Variants in GLMN observed in about 807,000 individuals in gnomAD.
GLMN encodes the protein glomulin.
GLMN carries 75 observed loss-of-function variants against 87.8 expected under a neutral mutation model. The observed-to-expected ratio is 0.85, with a 90% CI of 0.71 to 1.04. GLMN has a LOEUF of 1.04. Among genes scored for constraint, GLMN ranks in the 50% least tolerant of loss-of-function variants. The pLI, the probability that GLMN is intolerant of heterozygous loss-of-function variation, is 0.00. For missense variants in GLMN, 588 were observed against 658.8 expected (o/e 0.89, Z 1.18); for synonymous variants, 206 against 221.6 (o/e 0.93, Z 0.63).
the GLMN span, among the ~76,000 whole-genome samples, chr1:92,357,184 A>T: frequency 3.3e-5 from 5 of 152,306 alleles, no homozygotes; most frequent in Admixed American, 3.3e-4. Flanking sequence ...AGGGAATACA[A>T]AGATTAAACA....
chr1:92,282,166 T>C (rs1648138884), intron 7 of GLMN, among the ~76,000 whole-genome samples: 2 of 152,204 alleles, frequency 1.3e-5, no homozygotes, highest in Admixed American at 6.5e-5. Flanking sequence ...ATCAACAGAA[T>C]ATACATTCTT....
At chr1:92,334,416 ATTG>A in the GLMN span, among the ~76,000 whole-genome samples, 1 of 152,166 alleles carries the variant, frequency 6.6e-6, no homozygotes, top group African/African-American at 2.4e-5. Context: ...ACACTAAGGA[ATTG>A]TTAATTTGGA....
At chr1:92,247,837 C>T (rs1357118376) in intron 17 of GLMN, 41 bp downstream of exon 17, 3 of 806,556 alleles carry the variant, frequency 3.7e-6, no homozygotes, top group Non-Finnish European at 6.7e-6. Context: ...AATTAGACTA[C>T]TTTTTAGACC....
intron 16 of GLMN, among the ~76,000 whole-genome samples, chr1:92,259,957 G>C (rs184765960): frequency 4.2e-4 from 64 of 151,988 alleles, no homozygotes; most frequent in Non-Finnish European, 6.6e-4. Flanking sequence ...GGATGGTCTT[G>C]ATCTCCTGAC....
chr1:92,344,749 G>C, the GLMN span, among the ~76,000 whole-genome samples: 1 of 151,990 alleles, frequency 6.6e-6, no homozygotes, highest in South Asian at 2.1e-4. Context: ...ACCAACCCTT[G>C]GTATTGTCAG....
At chr1:92,323,441 A>G in the GLMN span, 159 of 1,564,376 alleles carry the variant, frequency 1.0e-4, 1 homozygote, top group East Asian at 3.6e-3. Flanking sequence ...CTTTCATTCT[A>G]CAGTGGCCAT....
intron 7 of GLMN, among the ~76,000 whole-genome samples, chr1:92,277,109 A>G (rs1647382813): frequency 6.6e-6 from 1 of 152,168 alleles, no homozygotes; most frequent in African/African-American, 2.4e-5. Flanking sequence ...AAAGTTCTCA[A>G]ATCTGCCCTT....
the GLMN span, among the ~76,000 whole-genome samples, chr1:92,319,579 A>G: frequency 6.6e-6 from 1 of 152,182 alleles, no homozygotes; most frequent in Non-Finnish European, 1.5e-5. Context: ...CTCCAATGTA[A>G]CTGCTTTCTC....
the GLMN span, among the ~76,000 whole-genome samples, chr1:92,352,623 A>T: frequency 1.3e-5 from 2 of 152,198 alleles, no homozygotes; most frequent in East Asian, 3.8e-4. Flanking sequence ...GATCATTGAA[A>T]TTACTTTTTT....
chr1:92,251,041 C>T (rs2100787574), intron 16 of GLMN, among the ~76,000 whole-genome samples: 1 of 152,196 alleles, frequency 6.6e-6, no homozygotes, highest in Admixed American at 6.5e-5. Context: ...TAATTTTTGC[C>T]TTTTCCAGAA....
the GLMN span, among the ~76,000 whole-genome samples, chr1:92,344,401 T>G: frequency 2.0e-5 from 3 of 152,172 alleles, no homozygotes; most frequent in African/African-American, 7.2e-5. Context: ...CAAGACTCTG[T>G]CTAAAAAAAG....
intron 18 of GLMN, 45 bp from the exon 19 acceptor site, chr1:92,246,691 G>A (rs752297673): frequency 2.2e-6 from 2 of 894,570 alleles, no homozygotes; most frequent in Non-Finnish European, 3.8e-6. Context: ...TGCCTTTAAA[G>A]CAAAACAAAG....
At chr1:92,362,527 G>C in the GLMN span, among the ~76,000 whole-genome samples, 1 of 152,114 alleles carries the variant, frequency 6.6e-6, no homozygotes, top group East Asian at 1.9e-4. Flanking sequence ...TGTCATTTTA[G>C]TACAGCTCAA....
the GLMN span, among the ~76,000 whole-genome samples, chr1:92,318,005 CA>C: frequency 7.2e-5 from 11 of 152,178 alleles, no homozygotes; most frequent in Non-Finnish European, 1.3e-4. Context: ...CTGCAGCTAT[CA>C]CTCCTGAGTC....
At chr1:92,273,459 T>TTTTC (rs943805016) in intron 7 of GLMN, among the ~76,000 whole-genome samples, 2 of 149,994 alleles carry the variant, frequency 1.3e-5, no homozygotes, top group Non-Finnish European at 3.0e-5. Flanking sequence ...TTTTTTTTTT[T>TTTTC]TTGGCGACAA....
chr1:92,351,753 C>T, the GLMN span, among the ~76,000 whole-genome samples: 1 of 152,194 alleles, frequency 6.6e-6, no homozygotes, highest in African/African-American at 2.4e-5. Flanking sequence ...AGCAGCTTGA[C>T]TGGCCCGAGT....
At chr1:92,355,891 G>A in the GLMN span, among the ~76,000 whole-genome samples, 2 of 152,142 alleles carry the variant, frequency 1.3e-5, no homozygotes, top group African/African-American at 4.8e-5. Context: ...AAGCATTTTA[G>A]ATAAGGGATA....
the GLMN span, among the ~76,000 whole-genome samples, chr1:92,330,774 A>C: frequency 1.3e-5 from 2 of 151,950 alleles, no homozygotes; most frequent in Non-Finnish European, 2.9e-5. Context: ...ATTTTTAAAA[A>C]CTTTTTGTTA....
At chr1:92,321,667 G>A in the GLMN span, among the ~76,000 whole-genome samples, 1 of 151,970 alleles carries the variant, frequency 6.6e-6, no homozygotes, top group African/African-American at 2.4e-5. Flanking sequence ...GAAAATTGAA[G>A]AACATTGTCA....
Sources: allele counts gnomAD v4.1 joint callset (sites outside exome capture counted in the v4.1 genomes callset), GRCh38; gene constraint gnomAD v4.1.1; transcripts MANE v1.5; gene names NCBI Gene and HGNC (gene_info 2026-07-23, HGNC 2026-07-21).